Variants in DPY19L4 observed in about 807,000 individuals in gnomAD.
DPY19L4 encodes dpy-19 like 4.
Under a neutral mutation model 102.8 loss-of-function variants are expected in DPY19L4, and 97 were observed. The ratio of observed to expected loss-of-function variants is 0.94; its 90% CI spans 0.80 to 1.12. DPY19L4 has a LOEUF of 1.12. Ranked by LOEUF, DPY19L4 falls within the 50% of genes most tolerant of loss-of-function variation. The probability of loss-of-function intolerance (pLI) is 0.00; values close to 1 mark genes in which losing one functional copy is unlikely to be tolerated. For synonymous variants in DPY19L4, 252 were observed against 283.1 expected, an observed-to-expected ratio of 0.89 and a Z score of 1.10; for missense variants, 815 against 850.4, an observed-to-expected ratio of 0.96 and a Z score of 0.52.
chr8:94,781,285 G>A (rs1329181507), intron 16 of DPY19L4, 119 bp downstream of exon 16: 3 of 896,780 alleles, frequency 3.3e-6, no homozygotes, highest in African/African-American at 3.5e-5. Flanking sequence ...TAAAACTCAG[G>A]CGTTTTAGGG....
intron 3 of DPY19L4, among the ~76,000 whole-genome samples, chr8:94,735,861 G>A (rs1811167943): frequency 6.6e-6 from 1 of 152,102 alleles, no homozygotes; most frequent in Non-Finnish European, 1.5e-5. Context: ...CTGATTGAGA[G>A]TTTACATCTT....
intron 2 of DPY19L4, among the ~76,000 whole-genome samples, chr8:94,732,276 C>T (rs113408827): frequency 1.3e-4 from 20 of 151,950 alleles, no homozygotes; most frequent in South Asian, 8.3e-4. Flanking sequence ...GGTAACAGAA[C>T]GCTGGGTTTT....
chr8:94,738,135 G>A (rs1456531770), intron 3 of DPY19L4, among the ~76,000 whole-genome samples: 2 of 151,600 alleles, frequency 1.3e-5, no homozygotes, highest in African/African-American at 2.4e-5. Context: ...TGACTAACAC[G>A]GTGAAACCCC....
chr8:94,764,949 G>A (rs1005003295), intron 8 of DPY19L4, among the ~76,000 whole-genome samples: 20 of 150,206 alleles, frequency 1.3e-4, no homozygotes, highest in African/African-American at 2.5e-4. Context: ...GGCTTGTCTC[G>A]AACCCCTGAC....
chr8:94,783,158 G>C (rs1015876413), intron 16 of DPY19L4, among the ~76,000 whole-genome samples: 1 of 152,200 alleles, frequency 6.6e-6, no homozygotes, highest in Non-Finnish European at 1.5e-5. Flanking sequence ...ATCTGTCTGG[G>C]ACTTGGGATA....
At position 94,788,095 on chromosome 8, in the gene DPY19L4, A is replaced by ATATATATTTT. The variant is rs778540423; in HGVS notation, c.2007+44_2007+45insATATATTTTT. The stretch of plus-strand genomic sequence containing the variant: ...AAGTTATATATATGTATATATATAT[A>ATATATATTTT]TTTTTTTTTTAGAAAAATGACTTTA... On this transcript the variant is annotated intron_variant, in intron 18 of 18. Transcript: ENST00000414645. 174 of 971,642 alleles carry ATATATATTTT rather than the reference A, an allele frequency of 1.8e-4. No homozygotes were observed. The African/African-American group carries it at 3.8e-3, about 21-fold the overall frequency. The allele number at this position is 971,642 out of a possible 1,614,324, so 60.2% of individuals were successfully genotyped here. A position where few individuals can be genotyped will look rare whatever the true frequency, so the allele number is the denominator to read the frequency against.
At chr8:94,765,596 A>G in intron 9 of DPY19L4, 115 bp from the exon 10 acceptor site, 1 of 862,884 alleles carries the variant, frequency 1.2e-6, no homozygotes, top group Non-Finnish European at 1.8e-6. Flanking sequence ...TTGGTCTCCC[A>G]AAGTGCTGGG....
chr8:94,744,354 A>G (rs1161706727), intron 6 of DPY19L4: 2 of 456,656 alleles, frequency 4.4e-6, no homozygotes, highest in Non-Finnish European at 8.8e-6. Flanking sequence ...GCAGCATGCA[A>G]CTTGGCAGCT....
chr8:94,788,073 T>TTA (rs768137211), intron 18 of DPY19L4, 21 bp downstream of exon 18: 15 of 1,319,758 alleles, frequency 1.1e-5, no homozygotes, highest in South Asian at 1.9e-5. Context: ...ATTTGGAAAG[T>TTA]TATATATATG....
At chr8:94,745,694 A>G (rs78736937) in intron 6 of DPY19L4, among the ~76,000 whole-genome samples, 4,504 of 152,318 alleles carry the variant, frequency 0.03, 99 homozygotes, top group Non-Finnish European at 0.04. Context: ...ATTCCAAGGA[A>G]GTAATTCAAA....
At chr8:94,789,722 A>G (rs2130953958) in intron 18 of DPY19L4, 24 bp from the exon 19 acceptor site, 2 of 1,550,304 alleles carry the variant, frequency 1.3e-6, no homozygotes, top group South Asian at 1.2e-5. Flanking sequence ...GCTTTTTAAT[A>G]TTATGTTTTA....
In DPY19L4 at chr8:94,793,382, G is replaced by A. The variant is rs1421998111; in HGVS notation, c.*3472G>A. The A allele has an allele frequency of 6.6e-6, 1 of 152,134 alleles. No homozygotes were observed. Among genetic ancestry groups the A allele is most frequent in the Non-Finnish European group, 1.5e-5 (1 of 68,010 alleles). 9.4% of individuals were successfully genotyped at this position (152,134 alleles called of 1,614,324 possible). ...ATTTTGATGCTTTTCGTGGATAAAAGTAGTGCCTCTCTTTATACAACTGAT... is the reference window on the plus strand; with the variant it reads ...ATTTTGATGCTTTTCGTGGATAAAAATAGTGCCTCTCTTTATACAACTGAT... On this transcript the variant is annotated 3_prime_UTR_variant, in exon 19 of 19. Coordinates refer to ENST00000414645, the MANE Select transcript of DPY19L4 (RefSeq NM_181787.3).
intron 13 of DPY19L4, among the ~76,000 whole-genome samples, chr8:94,773,824 C>G (rs1407256644): frequency 7.6e-6 from 1 of 131,736 alleles, no homozygotes; most frequent in Non-Finnish European, 1.5e-5. Flanking sequence ...CACTTGAGCC[C>G]AAGAGTTTGA....
At chr8:94,746,479 G>A (rs1317867101) in intron 6 of DPY19L4, among the ~76,000 whole-genome samples, 1 of 152,128 alleles carries the variant, frequency 6.6e-6, no homozygotes, top group East Asian at 1.9e-4. Context: ...TTAGTACAAG[G>A]GAATGTGCAG....
chr8:94,756,053 T>C lies in DPY19L4; in HGVS notation c.629T>C (p.Ile210Thr), dbSNP rs762233810. ...TATTTTAGGGTAGATACAACAAGAA[T>C]TGAATACTCCATTCCTTTAAGAGAA... ...FVINRVDTTR[I>T]EYSIPLRENW... is the part of the protein sequence containing the mutation. Residue 210 changes from isoleucine to threonine, a missense_variant, in exon 7 of 19, where the codon ATT becomes ACT. By Grantham distance (89) the Ile-to-Thr change is moderately conservative. Coordinates refer to ENST00000414645, the MANE Select transcript of DPY19L4 (RefSeq NM_181787.3). 6.2e-7 allele frequency: 1 copy of C among 1,612,072 alleles called. No homozygotes were observed. The highest frequency in any genetic ancestry group is 8.5e-7 in the Non-Finnish European group (1 of 1,179,716).
chr8:94,728,107 A>G (rs1179630056), intron 2 of DPY19L4, among the ~76,000 whole-genome samples: 2 of 152,170 alleles, frequency 1.3e-5, no homozygotes, highest in African/African-American at 4.8e-5. Context: ...GATTATAGGC[A>G]TGTGCCACCA....
chr8:94,767,346 T>G (rs909931061), intron 11 of DPY19L4, among the ~76,000 whole-genome samples: 3 of 147,540 alleles, frequency 2.0e-5, no homozygotes, highest in African/African-American at 7.5e-5. Context: ...CAGGCTGGAG[T>G]GCAGTGGCAC....
Position 94,790,059 on chromosome 8 carries a change from G to A in DPY19L4, c.*149G>A. 1 of 703,308 alleles carries A rather than the reference G, an allele frequency of 1.4e-6. No individual in the cohort carries two copies. The highest frequency in any genetic ancestry group is 2.3e-6 in the Non-Finnish European group (1 of 440,980). 43.6% of individuals were successfully genotyped at this position (703,308 alleles called of 1,614,324 possible). Reference sequence around the variant, plus strand: ...TGCTGTTAACTGGATCCAGAGTTCTGTGGGAAATAGAAGATCAAGCATTAC... The same window carrying A: ...TGCTGTTAACTGGATCCAGAGTTCTATGGGAAATAGAAGATCAAGCATTAC... On this transcript the variant is annotated 3_prime_UTR_variant, in exon 19 of 19. Coordinates refer to ENST00000414645, the MANE Select transcript of DPY19L4 (RefSeq NM_181787.3).
At chr8:94,759,377 A>G (rs1267887106) in intron 7 of DPY19L4, among the ~76,000 whole-genome samples, 1 of 151,974 alleles carries the variant, frequency 6.6e-6, no homozygotes, top group African/African-American at 2.4e-5. Context: ...GGTGCATTTT[A>G]CAATCCTCTT....
Sources: gnomAD v4.1 joint callset for allele counts (sites outside exome capture counted in the v4.1 genomes callset) on GRCh38, gnomAD v4.1.1 for gene constraint, MANE v1.5 for transcripts, NCBI Gene and HGNC (gene_info 2026-07-23, HGNC 2026-07-21) for gene names.